Variants in MTUS2 observed in about 807,000 individuals in gnomAD.
MTUS2 encodes microtubule-associated tumor suppressor candidate 2.
Under a neutral mutation model 114.1 loss-of-function variants are expected in MTUS2, and 40 were observed. The ratio of observed to expected loss-of-function variants is 0.35; its 90% CI spans 0.27 to 0.46. The LOEUF (loss-of-function observed/expected upper bound fraction) is 0.46, where lower values mean the gene tolerates loss of function less well. Ranked by LOEUF, MTUS2 falls within the 20% of genes least tolerant of loss-of-function variation. The probability of loss-of-function intolerance (pLI) is 1.00; values close to 1 mark genes in which losing one functional copy is unlikely to be tolerated. For missense variants in MTUS2, 1,679 were observed against 1,705.4 expected (o/e 0.98, Z 0.27); for synonymous variants, 688 against 672.0 (o/e 1.02, Z -0.37).
intron 5 of MTUS2, among the ~76,000 whole-genome samples, chr13:29,147,459 A>AG: frequency 6.6e-6 from 1 of 152,270 alleles, no homozygotes; most frequent in Admixed American, 6.5e-5. Context: ...TTTTAGATTG[A>AG]GGGGGTACAT....
chr13:29,334,852 A>G (rs539623638), intron 7 of MTUS2, among the ~76,000 whole-genome samples: 14 of 152,292 alleles, frequency 9.2e-5, no homozygotes, highest in African/African-American at 3.1e-4. Flanking sequence ...TCCCCAATCA[A>G]TACTCTTGTG....
At chr13:28,837,476 T>G (rs1298571064) in intron 1 of MTUS2, among the ~76,000 whole-genome samples, 2 of 152,210 alleles carry the variant, frequency 1.3e-5, no homozygotes, top group African/African-American at 4.8e-5. Context: ...CTAGGGCTAC[T>G]CTGTTTGAGG....
chr13:28,922,391 A>T (rs1257756918), intron 2 of MTUS2, among the ~76,000 whole-genome samples: 1 of 152,140 alleles, frequency 6.6e-6, no homozygotes, highest in Non-Finnish European at 1.5e-5. Flanking sequence ...CAGCACTAGG[A>T]CTTGCCTAGG....
At chr13:29,006,389 TA>T (rs1288151749) in intron 2 of MTUS2, among the ~76,000 whole-genome samples, 1 of 152,232 alleles carries the variant, frequency 6.6e-6, no homozygotes, top group Non-Finnish European at 1.5e-5. Flanking sequence ...TGCAGTGACA[TA>T]ATATATACTC....
At chr13:29,185,161 G>C (rs1007281007) in intron 5 of MTUS2, among the ~76,000 whole-genome samples, 2 of 152,024 alleles carry the variant, frequency 1.3e-5, no homozygotes, top group Admixed American at 1.3e-4. Flanking sequence ...TACTAGAGGA[G>C]CTCAGCAGCA....
At position 29,503,593 on chromosome 13, in the gene MTUS2, G is replaced by A. The variant is rs895425526; in HGVS notation, c.*387G>A. 2 of 269,086 alleles carry A rather than the reference G, an allele frequency of 7.4e-6. No homozygotes were observed. Among genetic ancestry groups the A allele is most frequent in the African/African-American group, 2.1e-5 (1 of 47,030 alleles). The allele number at this position is 269,086 out of a possible 1,614,324, so 16.7% of individuals were successfully genotyped here. A position where few individuals can be genotyped will look rare whatever the true frequency, so the allele number is the denominator to read the frequency against. On this transcript the variant is annotated 3_prime_UTR_variant, in exon 16 of 16. Transcript: ENST00000612955. ...AGATATACGTATATACACATGCTGC[G>A]GTTCTGAATTTCATTTTTTATAACA...
At chr13:29,078,017 ATAT>A (rs1471470900) in intron 4 of MTUS2, among the ~76,000 whole-genome samples, 1 of 152,160 alleles carries the variant, frequency 6.6e-6, no homozygotes, top group African/African-American at 2.4e-5. Flanking sequence ...AAGAAAAATG[ATAT>A]TATTTTGAAA....
At chr13:29,407,449 T>TATTG (rs1555274927) in intron 8 of MTUS2, among the ~76,000 whole-genome samples, 1 of 110,028 alleles carries the variant, frequency 9.1e-6, no homozygotes, top group Non-Finnish European at 1.7e-5. Context: ...TGATTGTACT[T>TATTG]ATTTATTTAT....
At chr13:29,374,160 A>C (rs1458038940) in intron 8 of MTUS2, among the ~76,000 whole-genome samples, 1 of 152,060 alleles carries the variant, frequency 6.6e-6, no homozygotes, top group Non-Finnish European at 1.5e-5. Context: ...GAACAACAGA[A>C]AGAAAATAAT....
chr13:29,263,218 A>G (rs765210685), intron 5 of MTUS2, among the ~76,000 whole-genome samples: 2 of 152,172 alleles, frequency 1.3e-5, no homozygotes, highest in Non-Finnish European at 2.9e-5. Flanking sequence ...TATAGTAGGA[A>G]TCCAGTAAGT....
intron 5 of MTUS2, among the ~76,000 whole-genome samples, chr13:29,142,777 A>T (rs908221294): frequency 3.0e-4 from 46 of 152,192 alleles, no homozygotes; most frequent in African/African-American, 9.2e-4. Flanking sequence ...GTAGAGCTGG[A>T]TAGAGTTAGT....
At chr13:28,933,361 A>C (rs1471439000) in intron 2 of MTUS2, among the ~76,000 whole-genome samples, 1 of 152,220 alleles carries the variant, frequency 6.6e-6, no homozygotes, top group Non-Finnish European at 1.5e-5. Context: ...GTATTGAGGC[A>C]GAATCCCTTC....
intron 5 of MTUS2, among the ~76,000 whole-genome samples, chr13:29,217,288 TATATTC>T (rs776394273): frequency 4.6e-5 from 7 of 152,212 alleles, no homozygotes; most frequent in Non-Finnish European, 8.8e-5. Flanking sequence ...ATTTTTGAAA[TATATTC>T]ATATTGATAC....
At chr13:29,182,651 G>T (rs527640235) in intron 5 of MTUS2, among the ~76,000 whole-genome samples, 1 of 152,310 alleles carries the variant, frequency 6.6e-6, no homozygotes, top group East Asian at 1.9e-4. Context: ...TTACTTTCTA[G>T]CAGAAGATGA....
intron 1 of MTUS2, among the ~76,000 whole-genome samples, chr13:28,827,155 AT>A (rs1312674876): frequency 6.6e-6 from 1 of 152,234 alleles, no homozygotes; most frequent in Non-Finnish European, 1.5e-5. Context: ...GAGAATTGAA[AT>A]CATGTAGCAG....
intron 7 of MTUS2, among the ~76,000 whole-genome samples, chr13:29,329,614 CTTTTT>C (rs34216714): frequency 1.9e-5 from 2 of 106,026 alleles, no homozygotes; most frequent in Non-Finnish European, 2.1e-5. Flanking sequence ...GTGCATGTGT[CTTTTT>C]TTTTTTTTTT....
chr13:29,267,707 G>A (rs1217747354), intron 5 of MTUS2, among the ~76,000 whole-genome samples: 4 of 152,140 alleles, frequency 2.6e-5, no homozygotes, highest in East Asian at 1.9e-4. Context: ...TTGATATCAC[G>A]AGATCTAAGG....
At chr13:29,392,669 A>G (rs1244583033) in intron 8 of MTUS2, among the ~76,000 whole-genome samples, 1 of 152,242 alleles carries the variant, frequency 6.6e-6, no homozygotes, top group Non-Finnish European at 1.5e-5. Flanking sequence ...ACAACTGATA[A>G]GTGGACATAG....
At chr13:29,441,220 G>A (rs539906688) in intron 9 of MTUS2, among the ~76,000 whole-genome samples, 4 of 152,148 alleles carry the variant, frequency 2.6e-5, no homozygotes, top group Non-Finnish European at 5.9e-5. Flanking sequence ...AAGCCCAGGG[G>A]TTGACGCCAG....
Sources: allele counts gnomAD v4.1 joint callset (sites outside exome capture counted in the v4.1 genomes callset), GRCh38; gene constraint gnomAD v4.1.1; transcripts MANE v1.5; gene names NCBI Gene and HGNC (gene_info 2026-07-23, HGNC 2026-07-21).